The following ZNF569 variants were observed in gnomAD, a reference collection of about 807,000 sequenced individuals.
ZNF569 encodes the protein DNA-binding protein.
Under a neutral mutation model 56.3 loss-of-function variants are expected in ZNF569, and 38 were observed. The observed-to-expected ratio is 0.68, with a 90% CI of 0.52 to 0.88. The LOEUF (loss-of-function observed/expected upper bound fraction) is 0.88, where lower values mean the gene tolerates loss of function less well. Ranked by LOEUF, ZNF569 falls within the 40% of genes least tolerant of loss-of-function variation. The probability of loss-of-function intolerance (pLI) is 0.00; values close to 1 mark genes in which losing one functional copy is unlikely to be tolerated. For synonymous variants in ZNF569, 241 were observed against 262.9 expected, an observed-to-expected ratio of 0.92 and a Z score of 0.81; for missense variants, 666 against 809.2, an observed-to-expected ratio of 0.82 and a Z score of 2.15.
intron 3 of ZNF569, among the ~76,000 whole-genome samples, chr19:37,434,494 A>G (rs1055344610): frequency 6.6e-6 from 1 of 152,128 alleles, no homozygotes; most frequent in East Asian, 1.9e-4. Context: ...CCAGACCATC[A>G]TGGCCAACAT....
chr19:37,435,266 ATATGT>A (rs1171415193), intron 3 of ZNF569, among the ~76,000 whole-genome samples: 4 of 152,220 alleles, frequency 2.6e-5, no homozygotes, highest in Non-Finnish European at 4.4e-5. Flanking sequence ...GCTTAAAGTA[ATATGT>A]TATATTATTT....
At chr19:37,442,885 A>G (rs1299269893) in intron 3 of ZNF569, among the ~76,000 whole-genome samples, 1 of 152,122 alleles carries the variant, frequency 6.6e-6, no homozygotes, top group African/African-American at 2.4e-5. Context: ...AAAGTTGAAC[A>G]CTCCTGGGGT....
Position 37,412,713 on chromosome 19 carries a change from G to C in ZNF569, c.1945C>G (p.Leu649Val). 6.2e-7 allele frequency: 1 copy of C among 1,614,142 alleles called. No homozygotes were observed. Among genetic ancestry groups the C allele is most frequent in the East Asian group, 2.2e-5 (1 of 44,880 alleles). The stretch of plus-strand genomic sequence containing the variant: ...GTATGTTTTCTCATATGAAGGGTAA[G>C]AGATGAGATTTGAGAGAAGGCTTTT... ...CGKAFSQISS[L>V]TLHMRKHTGE... Residue 649 changes from leucine (L) to valine (V), a missense_variant, in exon 6 of 6, where the codon CTT becomes GTT. By Grantham distance (32) the Leu-to-Val change is conservative. Transcript: ENST00000316950.
intron 2 of ZNF569, among the ~76,000 whole-genome samples, chr19:37,464,361 T>C (rs1568754310): frequency 1.3e-5 from 2 of 152,006 alleles, no homozygotes; most frequent in African/African-American, 4.8e-5. Flanking sequence ...GGCTAATTTT[T>C]TGTATTTTTA....
At chr19:37,417,316 A>G (rs1385292064) in intron 5 of ZNF569, among the ~76,000 whole-genome samples, 1 of 152,104 alleles carries the variant, frequency 6.6e-6, no homozygotes, top group Non-Finnish European at 1.5e-5. Flanking sequence ...GCTGGAGTGC[A>G]GTGGTGTGAT....
At chr19:37,429,904 G>A (rs1274726315) in intron 3 of ZNF569, among the ~76,000 whole-genome samples, 1 of 152,154 alleles carries the variant, frequency 6.6e-6, no homozygotes, top group Non-Finnish European at 1.5e-5. Flanking sequence ...GTAGAAAAAT[G>A]AATACAGGCT....
chr19:37,467,475 G>C (rs2041867065), upstream of ZNF569: 2 of 193,376 alleles, frequency 1.0e-5, no homozygotes, highest in Non-Finnish European at 2.0e-5. Flanking sequence ...GGCCTTCGCG[G>C]CCCTACTTCC....
chr19:37,421,362 T>A (rs1382195096), intron 5 of ZNF569, among the ~76,000 whole-genome samples: 1 of 152,256 alleles, frequency 6.6e-6, no homozygotes, highest in Non-Finnish European at 1.5e-5. Context: ...AATAGAAGGC[T>A]GTTGCATCTA....
chr19:37,451,336 G>A (rs1479357446), intron 2 of ZNF569, among the ~76,000 whole-genome samples: 1 of 150,972 alleles, frequency 6.6e-6, no homozygotes, highest in Non-Finnish European at 1.5e-5. Flanking sequence ...GGAGGCGGAG[G>A]TTGCAGTGAG....
chr19:37,462,877 C>T (rs186087064), intron 2 of ZNF569, among the ~76,000 whole-genome samples: 51 of 152,272 alleles, frequency 3.3e-4, no homozygotes, highest in African/African-American at 1.2e-3. Flanking sequence ...TTAGATCTCC[C>T]TTTTGTCTCT....
chr19:37,412,970 G>A lies in ZNF569; in HGVS notation c.1688C>T (p.Ser563Leu). Reference protein sequence around the residue: ...DKCGKAFSQCSLLNLHMRSHT... With the variant: ...DKCGKAFSQCLLLNLHMRSHT... Reference sequence around the variant, plus strand: ...ACTTCTCATATGTAAATTAAGCAGTGAGCACTGAGAGAAGGCTTTACCACA... The same window carrying A: ...ACTTCTCATATGTAAATTAAGCAGTAAGCACTGAGAGAAGGCTTTACCACA... The change falls in exon 6 of 6, where the codon TCA becomes TTA. Residue 563 changes from serine (S) to leucine (L), a missense_variant. Physicochemically the swap from Ser to Leu is moderately radical, Grantham distance 145. Transcript: ENST00000316950. 1.2e-6 allele frequency: 2 copies of A among 1,613,596 alleles called. No individual in the cohort carries two copies. Among genetic ancestry groups the A allele is most frequent in the Non-Finnish European group, 1.7e-6 (2 of 1,179,812 alleles).
Position 37,414,288 on chromosome 19 carries a change from G to A in ZNF569, c.370C>T (p.Pro124Ser). The A allele has an allele frequency of 6.2e-7, 1 of 1,613,620 alleles. No homozygotes were observed. Among genetic ancestry groups the A allele is most frequent in the South Asian group, 1.1e-5 (1 of 90,998 alleles). The change falls in exon 6 of 6, where the codon CCT becomes TCT. Residue 124 changes from proline (P) to serine (S), a missense_variant. Coordinates refer to ENST00000316950, the MANE Select transcript of ZNF569 (RefSeq NM_152484.3). Reference protein sequence around the residue: ...ECQKKFANVFPLNSDFFPSRH... With the variant: ...ECQKKFANVFSLNSDFFPSRH... ...GAAGGGAAAAAATCAGAGTTCAGAG[G>A]AAATACATTTGCAAATTTCTTTTGA...
intron 5 of ZNF569, among the ~76,000 whole-genome samples, chr19:37,421,291 T>C (rs1171606176): frequency 1.3e-5 from 2 of 152,186 alleles, no homozygotes; most frequent in Non-Finnish European, 2.9e-5. Context: ...ATTTGAAACT[T>C]TGAAGCCAGC....
chr19:37,465,511 A>T (rs1195642113), intron 1 of ZNF569, 38 bp from the exon 2 acceptor site: 1 of 152,148 alleles, frequency 6.6e-6, no homozygotes, highest in Non-Finnish European at 1.5e-5. Flanking sequence ...CTACTTTAGA[A>T]AACATATAAT....
chr19:37,434,701 G>A (rs757436098), intron 3 of ZNF569, among the ~76,000 whole-genome samples: 2 of 152,134 alleles, frequency 1.3e-5, no homozygotes, highest in African/African-American at 2.4e-5. Context: ...CTTAACTGAC[G>A]ACATTCCACC....
intron 3 of ZNF569, among the ~76,000 whole-genome samples, chr19:37,438,066 A>C (rs998253699): frequency 8.1e-5 from 12 of 148,978 alleles, no homozygotes; most frequent in African/African-American, 2.9e-4. Flanking sequence ...AAATTATACT[A>C]CAAAACTACA....
intron 3 of ZNF569, among the ~76,000 whole-genome samples, chr19:37,439,559 C>A (rs2041369498): frequency 6.6e-6 from 1 of 152,084 alleles, no homozygotes; most frequent in African/African-American, 2.4e-5. Context: ...TAAGTATATA[C>A]CCAAAAGAAA....
chr19:37,448,585 A>T, intron 2 of ZNF569, among the ~76,000 whole-genome samples: 1 of 102,994 alleles, frequency 9.7e-6, no homozygotes, highest in Non-Finnish European at 1.8e-5. Context: ...TTTTTTTGAG[A>T]CGGAGTCTGG....
rs1450309827 is a variant in ZNF569 at position 37,412,583 on chromosome 19, T to C, written c.*14A>G. 2.6e-6 allele frequency: 4 copies of C among 1,558,368 alleles called. No individual in the cohort carries two copies. The Admixed American group carries it at 6.0e-5, about 23-fold the overall frequency. On this transcript the variant is annotated 3_prime_UTR_variant, in exon 6 of 6. Coordinates refer to ENST00000316950, the MANE Select transcript of ZNF569 (RefSeq NM_152484.3). Reference sequence around the variant, plus strand: ...TCAGATGGCCTTGCCATATTCACAATATTCATAGGGTTTCTAATGAGTATG... The same window carrying C: ...TCAGATGGCCTTGCCATATTCACAACATTCATAGGGTTTCTAATGAGTATG...
Sources: allele counts gnomAD v4.1 joint callset (sites outside exome capture counted in the v4.1 genomes callset), GRCh38; gene constraint gnomAD v4.1.1; transcripts MANE v1.5; gene names NCBI Gene and HGNC (gene_info 2026-07-23, HGNC 2026-07-21).